Variants in TCN1 observed in about 807,000 individuals in gnomAD.
The protein encoded by TCN1 is transcobalamin-1.
In TCN1, 47 loss-of-function variants were observed where a neutral mutation model predicts 46.3. The observed-to-expected ratio is 1.01, with a 90% CI of 0.80 to 1.29. TCN1 has a LOEUF of 1.29. Ranked by LOEUF, TCN1 falls within the 50% of genes most tolerant of loss-of-function variation. TCN1 has a pLI of 0.00. For missense variants in TCN1, 532 were observed against 511.0 expected, an observed-to-expected ratio of 1.04 and a Z score of -0.40; for synonymous variants, 183 against 192.5, an observed-to-expected ratio of 0.95 and a Z score of 0.41.
intron 5 of TCN1, 151 bp downstream of exon 5, chr11:59,858,926 T>G: frequency 1.2e-6 from 1 of 848,664 alleles, no homozygotes; most frequent in Non-Finnish European, 1.9e-6. Flanking sequence ...TCGCTTGAAC[T>G]CGGGAGGCGG....
chr11:59,861,469 G>A, intron 4 of TCN1, 58 bp downstream of exon 4: 2 of 1,581,510 alleles, frequency 1.3e-6, no homozygotes, highest in Non-Finnish European at 1.7e-6. Context: ...AACTCAAAGA[G>A]CAAGACCTAC....
intron 1 of TCN1, among the ~76,000 whole-genome samples, chr11:59,864,693 A>G (rs1853053698): frequency 2.0e-5 from 3 of 152,184 alleles, no homozygotes; most frequent in African/African-American, 7.2e-5. Context: ...ATATGCCCCA[A>G]TTCCAGAGAT....
intron 8 of TCN1, 61 bp from the exon 9 acceptor site, chr11:59,853,097 T>C (rs953675744): frequency 2.5e-6 from 4 of 1,601,984 alleles, no homozygotes; most frequent in Non-Finnish European, 3.4e-6. Context: ...CACCAAATAA[T>C]GGATGTCATC....
chr11:59,856,560 C>T (rs894458348), intron 5 of TCN1, among the ~76,000 whole-genome samples: 6 of 151,112 alleles, frequency 4.0e-5, no homozygotes, highest in African/African-American at 1.5e-4. Flanking sequence ...TAGGATAGAG[C>T]ACTCAAGAGG....
At chr11:59,861,906 A>G (rs1590867171) in intron 3 of TCN1, among the ~76,000 whole-genome samples, 1 of 152,356 alleles carries the variant, frequency 6.6e-6, no homozygotes, top group East Asian at 1.9e-4. Flanking sequence ...GAGGGGACAC[A>G]GTCTTAAAGA....
chr11:59,862,157 G>A (rs942502316), intron 3 of TCN1, among the ~76,000 whole-genome samples: 1 of 152,194 alleles, frequency 6.6e-6, no homozygotes, highest in Admixed American at 6.6e-5. Context: ...ATTTTTCCCA[G>A]TGATAATGTA....
At chr11:59,862,999 C>A (rs1057365009) in intron 2 of TCN1, among the ~76,000 whole-genome samples, 1 of 152,112 alleles carries the variant, frequency 6.6e-6, no homozygotes, top group Non-Finnish European at 1.5e-5. Context: ...GGCTAAAAAC[C>A]AGTATAGCAT....
chr11:59,854,955 A>G (rs891438675), intron 6 of TCN1, 120 bp from the exon 7 acceptor site: 1 of 1,081,152 alleles, frequency 9.2e-7, no homozygotes, highest in South Asian at 1.3e-5. Flanking sequence ...CGGATTTACT[A>G]TAAGGAGCAA....
chr11:59,861,500 C>T (rs1255764972), intron 4 of TCN1, 27 bp downstream of exon 4: 1 of 1,612,358 alleles, frequency 6.2e-7, no homozygotes, highest in East Asian at 2.2e-5. Flanking sequence ...GTCCTCTGTA[C>T]CAAGGGAATT....
At chr11:59,864,831 G>C (rs956104125) in intron 1 of TCN1, among the ~76,000 whole-genome samples, 75 of 152,254 alleles carry the variant, frequency 4.9e-4, no homozygotes, top group African/African-American at 1.8e-3. Context: ...CCATAATCTT[G>C]AGGAGTAGCC....
At chr11:59,858,451 A>G (rs1194627117) in intron 5 of TCN1, among the ~76,000 whole-genome samples, 2 of 152,228 alleles carry the variant, frequency 1.3e-5, no homozygotes, top group Middle Eastern at 3.2e-3. Context: ...GTGAAAGTGT[A>G]AACTACGTGT....
chr11:59,853,245 TTC>T lies in TCN1; in HGVS notation c.1196_1197del (p.Arg399AsnfsTer18). ...CCTCCACTCAGAAGTTCCCAGTAGG[TTC>T]TGTCATTATTGTTGGCACATAGGCC... is the stretch of plus-strand genomic sequence containing the variant. ...IQGLCANNND[R>X]TYWELLSGGE... On this transcript the variant is annotated frameshift_variant, in exon 8 of 9. Transcript: ENST00000257264. LOFTEE classifies it high-confidence loss of function. The T allele has an allele frequency of 6.2e-7, 1 of 1,614,140 alleles. No homozygotes were observed. The highest frequency in any genetic ancestry group is 8.5e-7 in the Non-Finnish European group (1 of 1,180,004).
intron 3 of TCN1, among the ~76,000 whole-genome samples, 195 bp from the exon 4 acceptor site, chr11:59,861,877 T>C (rs1353660464): frequency 1.3e-5 from 2 of 152,234 alleles, no homozygotes; most frequent in Non-Finnish European, 2.9e-5. Context: ...TTCCGCTCAA[T>C]TTCTTTCATT....
chr11:59,865,890 T>G (rs2134515807), intron 1 of TCN1, among the ~76,000 whole-genome samples: 1 of 152,194 alleles, frequency 6.6e-6, no homozygotes, highest in East Asian at 1.9e-4. Context: ...TGAAGGAAGG[T>G]GGACATGCAA....
chr11:59,856,085 G>GGGAT, intron 5 of TCN1, 27 bp from the exon 6 acceptor site: 1 of 585,330 alleles, frequency 1.7e-6, no homozygotes, highest in Non-Finnish European at 3.2e-6. Context: ...GGGTGGGGGG[G>GGGAT]TGATGAGAGA....
rs1866683242 is a variant in TCN1 at position 59,852,970 on chromosome 11, G to A, written c.*5C>T. 5 of 1,613,914 alleles carry A rather than the reference G, an allele frequency of 3.1e-6. No homozygotes were observed. Among genetic ancestry groups the A allele is most frequent in the Non-Finnish European group, 4.2e-6 (5 of 1,179,820 alleles). On this transcript the variant is annotated 3_prime_UTR_variant, in exon 9 of 9. Coordinates refer to ENST00000257264, the MANE Select transcript of TCN1 (RefSeq NM_001062.4). ...TTTTATGCAGCTGAGGAAAGTTTGG[G>A]CTTATTAGTATTTGCTCCAGCGAAC...
chr11:59,854,739 G>A lies in TCN1; in HGVS notation c.1034C>T (p.Thr345Ile). Reference sequence around the variant, plus strand: ...TAGCACAGTGACATTGGTGAAATATGTTTCATTGATTCTCACAGAGTAATT... The same window carrying A: ...TAGCACAGTGACATTGGTGAAATATATTTCATTGATTCTCACAGAGTAATT... ...SVNYSVRINE[T>I]YFTNVTVLNG... Residue 345 changes from threonine to isoleucine, a missense_variant, in exon 7 of 9, where the codon ACA becomes ATA. Transcript: ENST00000257264. 3 of 1,614,002 alleles carry A rather than the reference G, an allele frequency of 1.9e-6. No homozygotes were observed. The highest frequency in any genetic ancestry group is 1.7e-6 in the Non-Finnish European group (2 of 1,179,934).
At position 59,853,248 on chromosome 11, in the gene TCN1, T is replaced by A. The variant is rs763703856; in HGVS notation, c.1195A>T (p.Arg399Ter). The part of the protein sequence containing the change: ...IQGLCANNND[R>*]TYWELLSGGE... ...CCACTCAGAAGTTCCCAGTAGGTTC[T>A]GTCATTATTGTTGGCACATAGGCCC... The change falls in exon 8 of 9, where the codon AGA becomes TGA. Residue 399 changes from arginine (R) to a stop codon, truncating the protein, a stop_gained. Coordinates refer to ENST00000257264, the MANE Select transcript of TCN1 (RefSeq NM_001062.4). LOFTEE classifies it high-confidence loss of function. The A allele has an allele frequency of 6.2e-7, 1 of 1,614,164 alleles. No individual in the cohort carries two copies. Among genetic ancestry groups the A allele is most frequent in the Non-Finnish European group, 8.5e-7 (1 of 1,180,020 alleles).
In TCN1 at chr11:59,852,895, TGAA is replaced by T. The variant is rs1866682497; in HGVS notation, c.*77_*79del. 2 of 1,289,112 alleles carry T rather than the reference TGAA, an allele frequency of 1.6e-6. No individual in the cohort carries two copies. Among genetic ancestry groups the T allele is most frequent in the Non-Finnish European group, 2.3e-6 (2 of 883,864 alleles). The allele number at this position is 1,289,112 out of a possible 1,614,324, so 79.9% of individuals were successfully genotyped here. A position where few individuals can be genotyped will look rare whatever the true frequency, so the allele number is the denominator to read the frequency against. On this transcript the variant is annotated 3_prime_UTR_variant, in exon 9 of 9. Transcript: ENST00000257264. Reference sequence around the variant, plus strand: ...ACTCTCCTGCTCGTACTGGGATAAATGAAGAAGAAGGCATAAGGACAATAAACA... The same window carrying T: ...ACTCTCCTGCTCGTACTGGGATAAATGAAGAAGGCATAAGGACAATAAACA...
Sources: allele counts gnomAD v4.1 joint callset (sites outside exome capture counted in the v4.1 genomes callset), GRCh38; gene constraint gnomAD v4.1.1; transcripts MANE v1.5; gene names NCBI Gene and HGNC (gene_info 2026-07-23, HGNC 2026-07-21).